Variants in TMEM255A observed in about 807,000 individuals in gnomAD.
TMEM255A encodes family with sequence similarity 70, member A.
Under a neutral mutation model 23.5 loss-of-function variants are expected in TMEM255A, and 14 were observed. The ratio of observed to expected loss-of-function variants is 0.60; its 90% CI spans 0.39 to 0.93. The LOEUF (loss-of-function observed/expected upper bound fraction) is 0.93. Ranked by LOEUF, TMEM255A falls within the 40% of genes least tolerant of loss-of-function variation. TMEM255A has a pLI of 0.00. For missense variants in TMEM255A, 233 were observed against 261.7 expected (o/e 0.89, Z 0.76); for synonymous variants, 104 against 100.3 (o/e 1.04, Z -0.22).
chrX:120,289,990 G>A (rs184610706), intron 4 of TMEM255A, among the ~76,000 whole-genome samples: 12 of 111,417 alleles, frequency 1.1e-4, no homozygotes, highest in Non-Finnish European at 1.7e-4. Flanking sequence ...CACAAAGAAA[G>A]TATATTAGTG....
At chrX:120,254,373 A>G, downstream of TMEM255A, 1 of 1,211,853 alleles carries the variant, frequency 8.3e-7, no homozygotes, top group Middle Eastern at 2.3e-4. Context: ...AAACAGTGCT[A>G]TTTTAACAGG....
intron 2 of TMEM255A, among the ~76,000 whole-genome samples, chrX:120,298,494 A>G (rs73219120): frequency 0.055 from 6,179 of 111,679 alleles, 190 homozygotes; most frequent in East Asian, 0.14. Context: ...AGGTTATATT[A>G]TCATCTTTAT....
chrX:120,256,913 A>G (rs2057642007), downstream of TMEM255A: 1 of 121,674 alleles, frequency 8.2e-6, no homozygotes, highest in African/African-American at 3.3e-5. Context: ...TCTCCTGACC[A>G]TGTATTTTAA....
chrX:120,283,102 A>T (rs1556021166), intron 6 of TMEM255A, among the ~76,000 whole-genome samples: 2 of 110,835 alleles, frequency 1.8e-5, no homozygotes. Flanking sequence ...AAGAGGAAAG[A>T]TAGTAAAATA....
In TMEM255A at chrX:120,261,006, G is replaced by A. The variant is rs367743609; in HGVS notation, c.842C>T (p.Ser281Phe). 3 of 1,193,058 alleles carry A rather than the reference G, an allele frequency of 2.5e-6. No individual in the cohort carries two copies. Among genetic ancestry groups the A allele is most frequent in the Non-Finnish European group, 3.4e-6 (3 of 889,589 alleles). Residue 281 changes from serine to phenylalanine, a missense_variant, in exon 9 of 9, where the codon TCC becomes TTC. By Grantham distance (155) the Ser-to-Phe change is radical (BLOSUM62 -2). Transcript: ENST00000371369. ...CTCATCAGAAAGTCCAGAGGGAGGG[G>A]AGGATGGAAAGACACCGGAATGCTG... ...DFQHSGVFPS[S>F]PPSGLSDEPQ...
At chrX:120,291,475 C>T in intron 3 of TMEM255A, 135 bp from the exon 4 acceptor site, 1 of 511,913 alleles carries the variant, frequency 2.0e-6, no homozygotes, top group South Asian at 3.3e-5. Context: ...TCTTTTTGGT[C>T]ATGCAGGATG....
At chrX:120,277,396 T>C (rs782645323) in intron 6 of TMEM255A, among the ~76,000 whole-genome samples, 6 of 112,303 alleles carry the variant, frequency 5.3e-5, no homozygotes, top group Non-Finnish European at 1.1e-4. Context: ...TGGTAGCTAC[T>C]AGCCACATGT....
At position 120,287,178 on chromosome X, in the gene TMEM255A, CT is replaced by C. The variant is rs1330428408; in HGVS notation, c.398del (p.Lys133ArgfsTer93). ...CCTCCTCAGCTTCCTTCTGTGATGTCTTGGGAACATAATGGCACCGGTTAGC... is the reference window on the plus strand; with the variant it reads ...CCTCCTCAGCTTCCTTCTGTGATGTCTGGGAACATAATGGCACCGGTTAGC... ...LYANRCHYVPKTSQKEAEEVN... is the reference protein window; with the variant it reads ...LYANRCHYVPXTSQKEAEEVN... On this transcript the variant is annotated frameshift_variant, in exon 5 of 9. Coordinates refer to ENST00000371369, the MANE Select transcript of TMEM255A (RefSeq NM_001104544.3). LOFTEE classifies it high-confidence loss of function. The C allele has an allele frequency of 8.3e-7, 1 of 1,208,933 alleles. No individual in the cohort carries two copies. Among genetic ancestry groups the C allele is most frequent in the African/African-American group, 1.8e-5 (1 of 56,923 alleles).
At chrX:120,293,334 TATA>T (rs2057929874) in intron 3 of TMEM255A, among the ~76,000 whole-genome samples, 2 of 113,090 alleles carry the variant, frequency 1.8e-5, no homozygotes, top group Non-Finnish European at 3.7e-5. Flanking sequence ...ACCAGGAAAG[TATA>T]ACAGCTTGCC....
rs191227383 is a variant in TMEM255A at position 120,267,804 on chromosome X, C to A, written c.819+440G>T. 2.4e-3 allele frequency among the ~76,000 whole-genome samples: 267 copies of A among 111,597 alleles called. 2 individuals carry two copies. The highest frequency in any genetic ancestry group is 0.018 in the Admixed American group (193 of 10,553). On this transcript the variant is annotated intron_variant, in intron 8 of 8. Transcript: ENST00000371369. ...TTCCTCATTACAGGTTTGATTCAAACCCTTGTGTGGCTCAGAATGCCCTTG... is the reference window on the plus strand; with the variant it reads ...TTCCTCATTACAGGTTTGATTCAAAACCTTGTGTGGCTCAGAATGCCCTTG...
rs1183636381 is a variant in TMEM255A at position 120,260,127 on chromosome X, AC to A, written c.*742del. ...TTGTAATAATGCAACATGTAGTAGA[AC>A]CACTGTCTCCTAAGTGATCTACTTA... is the stretch of plus-strand genomic sequence containing the variant. On this transcript the variant is annotated 3_prime_UTR_variant, in exon 9 of 9. Coordinates refer to ENST00000371369, the MANE Select transcript of TMEM255A (RefSeq NM_001104544.3). 16 of 735,857 alleles carry A rather than the reference AC, an allele frequency of 2.2e-5. No individual in the cohort carries two copies. Among genetic ancestry groups the A allele is most frequent in the Non-Finnish European group, 2.6e-5 (16 of 623,313 alleles). 60.6% of individuals were successfully genotyped at this position (735,857 alleles called of 1,213,427 possible).
At chrX:120,286,758 C>T (rs1341330309) in intron 5 of TMEM255A, among the ~76,000 whole-genome samples, 1 of 111,724 alleles carries the variant, frequency 9.0e-6, no homozygotes, top group African/African-American at 3.3e-5. Context: ...GTAGTTCAGG[C>T]CTAGTGCCCT....
intron 1 of TMEM255A, among the ~76,000 whole-genome samples, chrX:120,309,700 G>C (rs1186931180): frequency 9.0e-6 from 1 of 111,363 alleles, no homozygotes; most frequent in African/African-American, 3.3e-5. Flanking sequence ...CGCTCTCGCT[G>C]TCGCTCTCTC....
intron 2 of TMEM255A, among the ~76,000 whole-genome samples, chrX:120,296,816 C>T (rs190422829): frequency 1.5e-4 from 1 of 6,505 alleles, no homozygotes; most frequent in Non-Finnish European, 2.1e-4. Flanking sequence ...TAATATATAT[C>T]ATATATAATA....
At chrX:120,291,391 C>A in intron 3 of TMEM255A, 51 bp from the exon 4 acceptor site, 1 of 1,016,081 alleles carries the variant, frequency 9.8e-7, no homozygotes, top group Non-Finnish European at 1.4e-6. Context: ...GCACTTGCTG[C>A]CTCTGGGGAC....
Position 120,260,866 on chromosome X carries a change from C to G in TMEM255A, c.*4G>C. ...TAATCTCAATAGCCAGCAGGCATTC[C>G]TCTTTAGGGACTGTAAGGTGGTGGC... On this transcript the variant is annotated 3_prime_UTR_variant, in exon 9 of 9. Coordinates refer to ENST00000371369, the MANE Select transcript of TMEM255A (RefSeq NM_001104544.3). The G allele has an allele frequency of 8.3e-7, 1 of 1,203,030 alleles. No homozygotes were observed. The highest frequency in any genetic ancestry group is 1.1e-6 in the Non-Finnish European group (1 of 892,372).
intron 8 of TMEM255A, among the ~76,000 whole-genome samples, chrX:120,264,912 T>C (rs1446688617): frequency 9.3e-6 from 1 of 106,978 alleles, no homozygotes; most frequent in Non-Finnish European, 1.9e-5. Context: ...CGCTTCTCTC[T>C]TGTTGCCCAG....
At chrX:120,292,239 A>T (rs1411005922) in intron 3 of TMEM255A, among the ~76,000 whole-genome samples, 4 of 111,635 alleles carry the variant, frequency 3.6e-5, no homozygotes, top group African/African-American at 1.3e-4. Context: ...TTTTCCTAAT[A>T]ATTTGTCTAC....
chrX:120,307,346 G>A (rs1435953289), intron 1 of TMEM255A, among the ~76,000 whole-genome samples: 1 of 111,817 alleles, frequency 8.9e-6, no homozygotes, highest in African/African-American at 3.3e-5. Flanking sequence ...AAGTACAGCC[G>A]TGTTCTTATT....
Sources: gnomAD v4.1 joint callset for allele counts (sites outside exome capture counted in the v4.1 genomes callset) on GRCh38, gnomAD v4.1.1 for gene constraint, MANE v1.5 for transcripts, NCBI Gene and HGNC (gene_info 2026-07-23, HGNC 2026-07-21) for gene names.